Variants in NRG1 observed in about 807,000 individuals in gnomAD.
NRG1 encodes the protein neuregulin 1.
Under a neutral mutation model 63.8 loss-of-function variants are expected in NRG1, and 18 were observed. The ratio of observed to expected loss-of-function variants is 0.28; its 90% confidence interval spans 0.19 to 0.42. NRG1 has a LOEUF of 0.42. Among genes scored for constraint, NRG1 ranks in the 10% least tolerant of loss-of-function variants. The pLI is 1.00. For synonymous variants in NRG1, 302 were observed against 301.3 expected (o/e 1.00, Z -0.02); for missense variants, 762 against 814.7 (o/e 0.94, Z 0.79).
At chr8:32,400,310 C>A (rs12675781) in intron 1 of NRG1, among the ~76,000 whole-genome samples, 19,765 of 152,198 alleles carry the variant, frequency 0.13, 1,710 homozygotes, top group Admixed American at 0.25. Flanking sequence ...GTGGCAAACT[C>A]TGTCTCTACC....
intron 1 of NRG1, among the ~76,000 whole-genome samples, chr8:32,578,755 A>ATG (rs141137058): frequency 0.012 from 1,775 of 152,280 alleles, 28 homozygotes; most frequent in Non-Finnish European, 0.014. Flanking sequence ...TTTGGACCTG[A>ATG]TCTATAGTTT....
intron 1 of NRG1, among the ~76,000 whole-genome samples, chr8:32,029,847 TA>T (rs34615593): frequency 0.68 from 101,715 of 150,656 alleles, 34,778 homozygotes; most frequent in South Asian, 0.74. Context: ...TGCTGGTTTG[TA>T]AAAAAAAAAG....
chr8:32,534,868 G>A (rs1432673501), intron 1 of NRG1, among the ~76,000 whole-genome samples: 1 of 151,978 alleles, frequency 6.6e-6, no homozygotes, highest in South Asian at 2.1e-4. Context: ...CTATGTTTTT[G>A]AGCATTCTAA....
intron 6 of NRG1, among the ~76,000 whole-genome samples, chr8:32,736,877 C>T (rs911676680): frequency 1.3e-5 from 2 of 151,942 alleles, no homozygotes; most frequent in African/African-American, 2.4e-5. Context: ...TCTATAAAAA[C>T]GTCTAGAATC....
intron 1 of NRG1, among the ~76,000 whole-genome samples, chr8:31,656,730 T>C (rs1452895643): frequency 2.0e-5 from 3 of 152,320 alleles, no homozygotes; most frequent in South Asian, 4.1e-4. Flanking sequence ...TAAGAATTCT[T>C]TCCTATGTAC....
Position 32,014,780 on chromosome 8 carries a change from A to G in NRG1, c.37+375349A>G, listed in dbSNP as rs562629256. Among the ~76,000 whole-genome samples, 17 of 150,792 alleles carry G rather than the reference A, an allele frequency of 1.1e-4. No individual in the cohort carries two copies. The South Asian group carries it at 3.6e-3, about 32-fold the overall frequency. Reference sequence around the variant, plus strand: ...ACCTGTGAATGTGACCTTAATTGGAAATAAGGTCTTTGCAGATGATCATCT... The same window carrying G: ...ACCTGTGAATGTGACCTTAATTGGAGATAAGGTCTTTGCAGATGATCATCT... On this transcript the variant is annotated intron_variant, in intron 1 of 10. Transcript: ENST00000519301.
At chr8:32,540,134 T>C (rs1832428810) in intron 1 of NRG1, among the ~76,000 whole-genome samples, 1 of 152,180 alleles carries the variant, frequency 6.6e-6, no homozygotes. Context: ...AGATAATGGT[T>C]AATTGGGGTA....
intron 1 of NRG1, among the ~76,000 whole-genome samples, chr8:32,454,105 A>G (rs781242120): frequency 7.2e-5 from 11 of 152,234 alleles, no homozygotes; most frequent in Non-Finnish European, 1.3e-4. Flanking sequence ...ATGTGTGCCT[A>G]TATCAGGATT....
intron 1 of NRG1, among the ~76,000 whole-genome samples, chr8:31,913,661 A>G (rs532026483): frequency 2.4e-4 from 37 of 152,180 alleles, no homozygotes; most frequent in Non-Finnish European, 4.4e-4. Context: ...ACAGACAGAC[A>G]GGAATATATT....
intron 1 of NRG1, among the ~76,000 whole-genome samples, chr8:31,992,642 T>C (rs1158832071): frequency 6.6e-6 from 1 of 152,062 alleles, no homozygotes; most frequent in African/African-American, 2.4e-5. Context: ...TCTAATCATA[T>C]ATCACTTATT....
At chr8:32,505,783 A>C (rs1188949379) in intron 1 of NRG1, among the ~76,000 whole-genome samples, 3 of 152,194 alleles carry the variant, frequency 2.0e-5, no homozygotes, top group African/African-American at 4.8e-5. Flanking sequence ...CTAATAAGAC[A>C]ATGAGGAAGG....
intron 1 of NRG1, among the ~76,000 whole-genome samples, chr8:32,085,517 A>C (rs373093623): frequency 1.3e-5 from 2 of 152,236 alleles, no homozygotes; most frequent in East Asian, 3.8e-4. Flanking sequence ...CTTCAGAAGA[A>C]TAAAGATCAT....
chr8:32,292,755 T>C (rs2129474168), intron 1 of NRG1, among the ~76,000 whole-genome samples: 1 of 152,162 alleles, frequency 6.6e-6, no homozygotes, highest in South Asian at 2.1e-4. Flanking sequence ...ATTTATGAAG[T>C]ATATTGAGTT....
intron 1 of NRG1, chr8:32,061,880 A>G (rs1823937479): frequency 6.6e-6 from 1 of 152,050 alleles, no homozygotes; most frequent in African/African-American, 2.4e-5. Flanking sequence ...TTAAAATGTA[A>G]ATCACAAGAA....
chr8:31,873,015 A>C (rs1185931863), intron 1 of NRG1, among the ~76,000 whole-genome samples: 1 of 152,230 alleles, frequency 6.6e-6, no homozygotes. Flanking sequence ...TACATAATTT[A>C]ATTTAAAAAA....
In NRG1 at chr8:32,183,954, G is replaced by A. The variant is rs1454183731; in HGVS notation, c.38-411874G>A. ...TTCCTTTAACCCTTGTGTAGTTTCAGTTGTGTTGATTCAAGTCATTATTTT... is the reference window on the plus strand; with the variant it reads ...TTCCTTTAACCCTTGTGTAGTTTCAATTGTGTTGATTCAAGTCATTATTTT... On this transcript the variant is annotated intron_variant, in intron 1 of 10. Transcript: ENST00000519301. Among the ~76,000 whole-genome samples, 5 of 152,210 alleles carry A rather than the reference G, an allele frequency of 3.3e-5. No homozygotes were observed. In the East Asian group the frequency reaches 5.8e-4, roughly 18 times the overall value.
chr8:32,278,723 G>A (rs1450672008), intron 1 of NRG1, among the ~76,000 whole-genome samples: 2 of 152,106 alleles, frequency 1.3e-5, no homozygotes, highest in East Asian at 1.9e-4. Context: ...TCCTTTCCAT[G>A]ATACTCATCA....
chr8:31,640,531 G>C lies in NRG1; in HGVS notation c.37+1100G>C, dbSNP rs1270684948. On this transcript the variant is annotated intron_variant, in intron 1 of 10. Transcript: ENST00000519301. The surrounding 1 kb of genome is among the most constrained non-coding windows in gnomAD (Gnocchi z 6.3). ...CTTGAAGAAGGACTCGCTGCTCACC[G>C]TGCGCCTGGGGACCTGGGGCCACCC... The C allele has an allele frequency of 6.2e-7, 1 of 1,611,516 alleles. No homozygotes were observed.
At chr8:32,547,459 C>T (rs1015416313), upstream of NRG1, among the ~76,000 whole-genome samples, 2 of 152,100 alleles carry the variant, frequency 1.3e-5, no homozygotes, top group African/African-American at 4.8e-5. Context: ...GAGTCGTGCT[C>T]CGAACTATGT....
Sources: allele counts gnomAD v4.1 joint callset (sites outside exome capture counted in the v4.1 genomes callset), GRCh38; gene constraint gnomAD v4.1.1; non-coding constraint Gnocchi (gnomAD v3.1); transcripts MANE v1.5; gene names NCBI Gene and HGNC (gene_info 2026-07-23, HGNC 2026-07-21).